The following CACNG2 variants were observed in gnomAD, a reference collection of about 807,000 sequenced individuals.
The protein encoded by CACNG2 is voltage-dependent calcium channel gamma-2 subunit.
Under a neutral mutation model 25.9 loss-of-function variants are expected in CACNG2, and 3 were observed. The observed-to-expected ratio is 0.12, with a 90% CI of 0.05 to 0.30. CACNG2 has a LOEUF of 0.30. CACNG2 is among the 10% of genes least tolerant of loss of function. The pLI, the probability that CACNG2 is intolerant of heterozygous loss-of-function variation, is 1.00. For missense variants in CACNG2, 341 were observed against 432.5 expected (o/e 0.79, Z 1.88); for synonymous variants, 167 against 173.3 (o/e 0.96, Z 0.29).
chr22:36,593,100 C>T lies in CACNG2; in HGVS notation c.212-5552G>A, dbSNP rs1225109906. On this transcript the variant is annotated intron_variant, in intron 1 of 3. Transcript: ENST00000300105. ...AGGAGAGGAGATGGAGCCTTGGTCC[C>T]AGCCCTTCTCTTCTCTCTGCCCCGC... Among the ~76,000 whole-genome samples, 5 of 152,338 alleles carry T rather than the reference C, an allele frequency of 3.3e-5. No homozygotes were observed. In the East Asian group the frequency reaches 7.7e-4, roughly 24 times the overall value.
chr22:36,645,351 C>T (rs1936502872), intron 1 of CACNG2, among the ~76,000 whole-genome samples: 1 of 151,866 alleles, frequency 6.6e-6, no homozygotes, highest in African/African-American at 2.4e-5. Context: ...TCCTGACTAA[C>T]ACAGTGAAAC....
At chr22:36,666,519 G>A (rs2145988801) in intron 1 of CACNG2, among the ~76,000 whole-genome samples, 1 of 152,240 alleles carries the variant, frequency 6.6e-6, no homozygotes. Flanking sequence ...GGGGTTGAGG[G>A]GCAGGGGGGA....
chr22:36,633,846 G>A (rs928381100), intron 1 of CACNG2, among the ~76,000 whole-genome samples: 22 of 152,212 alleles, frequency 1.4e-4, no homozygotes, highest in Non-Finnish European at 2.8e-4. Flanking sequence ...AATGGAGGAT[G>A]CATCTGCAAA....
intron 1 of CACNG2, among the ~76,000 whole-genome samples, chr22:36,671,387 A>G (rs915743574): frequency 6.6e-6 from 1 of 152,196 alleles, no homozygotes; most frequent in Non-Finnish European, 1.5e-5. Context: ...GACTCCCAGA[A>G]TTGTTCCACT....
chr22:36,588,317 C>G (rs957985277), intron 1 of CACNG2, among the ~76,000 whole-genome samples: 1 of 152,178 alleles, frequency 6.6e-6, no homozygotes, highest in African/African-American at 2.4e-5. Context: ...AATGTTTCCT[C>G]GGTGCCTGCT....
intron 1 of CACNG2, among the ~76,000 whole-genome samples, chr22:36,627,771 C>A (rs565789257): frequency 2.0e-5 from 3 of 151,886 alleles, no homozygotes; most frequent in Non-Finnish European, 4.4e-5. Context: ...TACAGGCGTG[C>A]GCCACCATGC....
chr22:36,643,888 G>A (rs1166802289), intron 1 of CACNG2, among the ~76,000 whole-genome samples: 3 of 152,160 alleles, frequency 2.0e-5, no homozygotes, highest in African/African-American at 7.2e-5. Context: ...TGAAAAAACT[G>A]GGGCTTAATA....
intron 1 of CACNG2, among the ~76,000 whole-genome samples, chr22:36,592,566 G>A (rs1339414341): frequency 6.6e-6 from 1 of 152,168 alleles, no homozygotes; most frequent in Non-Finnish European, 1.5e-5. Flanking sequence ...TATATATTAA[G>A]AAACTGCCTA....
At chr22:36,595,810 G>A (rs969879382) in intron 1 of CACNG2, among the ~76,000 whole-genome samples, 2 of 152,210 alleles carry the variant, frequency 1.3e-5, no homozygotes, top group Non-Finnish European at 2.9e-5. Flanking sequence ...GAGTGGCAGT[G>A]CCCCACCAAC....
intron 1 of CACNG2, among the ~76,000 whole-genome samples, chr22:36,614,074 A>G (rs1291083741): frequency 6.6e-6 from 1 of 152,170 alleles, no homozygotes; most frequent in Non-Finnish European, 1.5e-5. Flanking sequence ...CAAAAGGTGA[A>G]ATCGGAGCTG....
chr22:36,676,022 G>C (rs1197932125), intron 1 of CACNG2, among the ~76,000 whole-genome samples: 2 of 152,172 alleles, frequency 1.3e-5, no homozygotes, highest in Non-Finnish European at 2.9e-5. Flanking sequence ...CACAGGGCTG[G>C]TGAGAAGTGA....
At chr22:36,610,522 A>G (rs1323400452) in intron 1 of CACNG2, among the ~76,000 whole-genome samples, 9 of 152,256 alleles carry the variant, frequency 5.9e-5, no homozygotes, top group Admixed American at 5.9e-4. Flanking sequence ...GAATAAAAAC[A>G]CTTTGGAAGC....
intron 1 of CACNG2, among the ~76,000 whole-genome samples, chr22:36,633,122 C>T (rs1936301224): frequency 6.6e-6 from 1 of 152,188 alleles, no homozygotes; most frequent in Non-Finnish European, 1.5e-5. Flanking sequence ...CTCTGTGTAA[C>T]CTTACAACTT....
intron 1 of CACNG2, among the ~76,000 whole-genome samples, chr22:36,659,054 A>G (rs1569043483): frequency 6.6e-6 from 1 of 152,190 alleles, no homozygotes; most frequent in Non-Finnish European, 1.5e-5. Flanking sequence ...CAGAGGAGGA[A>G]ATACCACATT....
At chr22:36,647,772 A>T (rs907172827) in intron 1 of CACNG2, among the ~76,000 whole-genome samples, 6 of 152,090 alleles carry the variant, frequency 3.9e-5, no homozygotes. Flanking sequence ...TTACCAGGTC[A>T]TCCCTCTCTC....
chr22:36,586,935 C>T (rs934105112), intron 2 of CACNG2, among the ~76,000 whole-genome samples: 3 of 42,960 alleles, frequency 7.0e-5, no homozygotes, highest in Non-Finnish European at 1.4e-4. Flanking sequence ...ACTTGACTTG[C>T]GGGGGAAGAA....
chr22:36,685,224 G>A (rs1213911139), intron 1 of CACNG2, among the ~76,000 whole-genome samples: 1 of 152,106 alleles, frequency 6.6e-6, no homozygotes, highest in Non-Finnish European at 1.5e-5. Flanking sequence ...GCATCCTGCT[G>A]CTGTTCCTCT....
chr22:36,652,979 G>C (rs1254853278), intron 1 of CACNG2, among the ~76,000 whole-genome samples: 2 of 152,136 alleles, frequency 1.3e-5, no homozygotes, highest in Non-Finnish European at 2.9e-5. Flanking sequence ...GGCAAAGACA[G>C]AGATGTGTTG....
intron 1 of CACNG2, among the ~76,000 whole-genome samples, chr22:36,624,970 G>A (rs1037258957): frequency 1.2e-4 from 16 of 132,280 alleles, no homozygotes; most frequent in Non-Finnish European, 2.5e-4. Flanking sequence ...GGAGGTTGCC[G>A]TGAGCCGAGA....
Sources: gnomAD v4.1 joint callset for allele counts (sites outside exome capture counted in the v4.1 genomes callset) on GRCh38, gnomAD v4.1.1 for gene constraint, MANE v1.5 for transcripts, NCBI Gene and HGNC (gene_info 2026-07-23, HGNC 2026-07-21) for gene names.